TBC1D22A: variants seen among roughly 807,000 people sequenced by gnomAD.
The protein encoded by TBC1D22A is TBC1 domain family member 22A, also known as putative GTPase activator.
A neutral mutation model predicts 60.2 loss-of-function variants in TBC1D22A; 38 were observed. That is an observed-to-expected ratio of 0.63 (90% CI 0.49 to 0.83). TBC1D22A has a LOEUF of 0.83. Ranked by LOEUF, TBC1D22A falls within the 40% of genes least tolerant of loss-of-function variation. The probability of loss-of-function intolerance (pLI) is 0.00; values close to 1 mark genes in which losing one functional copy is unlikely to be tolerated. For synonymous variants in TBC1D22A, 302 were observed against 281.7 expected (o/e 1.07, Z -0.72); for missense variants, 628 against 701.0 (o/e 0.90, Z 1.18).
rs183753387 is a variant in TBC1D22A at position 46,979,182 on chromosome 22, T to A, written c.1125+4783T>A. On this transcript the variant is annotated intron_variant, in intron 9 of 12. Transcript: ENST00000337137. ...GGTGTGCAGATCTTTTAAATGTTGA[T>A]AAGTTTCATCGTATGATCAAATTTG... Among the ~76,000 whole-genome samples the A allele has an allele frequency of 2.6e-3, 394 of 152,340 alleles. 2 individuals carry two copies. The highest frequency in any genetic ancestry group is 8.9e-3 in the African/African-American group (372 of 41,578).
intron 4 of TBC1D22A, among the ~76,000 whole-genome samples, chr22:46,809,582 C>CATCT (rs1364297827): frequency 6.6e-6 from 1 of 152,156 alleles, no homozygotes; most frequent in Non-Finnish European, 1.5e-5. Context: ...TGACCCTTAG[C>CATCT]ATCTCGGGGG....
intron 12 of TBC1D22A, among the ~76,000 whole-genome samples, chr22:47,139,399 AC>A (rs2147138044): frequency 6.6e-6 from 1 of 152,258 alleles, no homozygotes; most frequent in Non-Finnish European, 1.5e-5. Flanking sequence ...ACAGGTGTTC[AC>A]CCAAACATGA....
rs565761740 is a variant in TBC1D22A at position 46,952,459 on chromosome 22, A to G, written c.1016-21831A>G. On this transcript the variant is annotated intron_variant, in intron 8 of 12. Coordinates refer to ENST00000337137, the MANE Select transcript of TBC1D22A (RefSeq NM_014346.5). ...TTAGCAGGTTTAGGAGCCTCCTGAC[A>G]TGATACCAAATGTTATATCTCTGTA... Among the ~76,000 whole-genome samples the G allele has an allele frequency of 2.6e-5, 4 of 152,300 alleles. No individual in the cohort carries two copies. The East Asian group carries it at 7.7e-4, about 29-fold the overall frequency.
At chr22:46,862,005 C>T (rs925793058) in intron 4 of TBC1D22A, among the ~76,000 whole-genome samples, 1 of 152,266 alleles carries the variant, frequency 6.6e-6, no homozygotes, top group East Asian at 1.9e-4. Flanking sequence ...TCTGTATGGC[C>T]TCCCTGGCCT....
intron 4 of TBC1D22A, among the ~76,000 whole-genome samples, chr22:46,802,309 C>CAG (rs1283138753): frequency 1.3e-5 from 2 of 152,222 alleles, no homozygotes; most frequent in Non-Finnish European, 2.9e-5. Context: ...CCGCAACCAT[C>CAG]AGAAGGCAGG....
chr22:46,793,954 C>G, intron 3 of TBC1D22A, 113 bp downstream of exon 3: 1 of 1,040,178 alleles, frequency 9.6e-7, no homozygotes, highest in Non-Finnish European at 1.4e-6. Context: ...TTGCAGCAGG[C>G]CCCCTGGCCC....
chr22:46,819,331 C>T (rs1419059842), intron 4 of TBC1D22A, among the ~76,000 whole-genome samples: 1 of 152,168 alleles, frequency 6.6e-6, no homozygotes, highest in African/African-American at 2.4e-5. Flanking sequence ...GGGAATGCTT[C>T]CAGCTTTTGC....
intron 8 of TBC1D22A, among the ~76,000 whole-genome samples, chr22:46,968,656 G>A (rs1027711306): frequency 2.6e-5 from 4 of 152,072 alleles, no homozygotes; most frequent in Admixed American, 1.3e-4. Flanking sequence ...CTGCGTAGCC[G>A]GCGGTCCTGA....
intron 5 of TBC1D22A, among the ~76,000 whole-genome samples, chr22:46,889,385 T>G (rs1223417101): frequency 6.6e-6 from 1 of 152,218 alleles, no homozygotes; most frequent in Non-Finnish European, 1.5e-5. Flanking sequence ...GGAAAGGCTG[T>G]GTAGCATCTG....
intron 12 of TBC1D22A, among the ~76,000 whole-genome samples, chr22:47,152,725 C>T (rs767177097): frequency 1.4e-4 from 21 of 152,192 alleles, no homozygotes; most frequent in Middle Eastern, 6.3e-3. Context: ...AGAAAGGTGG[C>T]GTTTTCCCAT....
intron 4 of TBC1D22A, among the ~76,000 whole-genome samples, chr22:46,849,252 C>T (rs1430649543): frequency 6.6e-6 from 1 of 152,212 alleles, no homozygotes; most frequent in Non-Finnish European, 1.5e-5. Context: ...CCAAGTGGGT[C>T]TCCAGACGGC....
chr22:46,920,533 C>T (rs1269465674), intron 8 of TBC1D22A, among the ~76,000 whole-genome samples: 2 of 152,052 alleles, frequency 1.3e-5, no homozygotes, highest in Non-Finnish European at 2.9e-5. Flanking sequence ...CTGATGTGTG[C>T]TCTGTTTTCT....
At chr22:46,783,501 T>C (rs1486796509) in intron 1 of TBC1D22A, among the ~76,000 whole-genome samples, 1 of 152,258 alleles carries the variant, frequency 6.6e-6, no homozygotes, top group African/African-American at 2.4e-5. Flanking sequence ...ACACACGCAG[T>C]TGATGCCGCT....
chr22:46,998,504 A>G (rs941181710), intron 10 of TBC1D22A, among the ~76,000 whole-genome samples: 2 of 152,240 alleles, frequency 1.3e-5, no homozygotes, highest in African/African-American at 4.8e-5. Context: ...GACAAATTGC[A>G]CTTTGTTGGA....
rs117194197 is a variant in TBC1D22A at position 47,067,448 on chromosome 22, A to G, written c.1329+30250A>G. ...TCAGGAGAAAAGCCAGGGTGCACAA[A>G]GAGATGGGCATTAGCATATAAAAGG... On this transcript the variant is annotated intron_variant, in intron 11 of 12. Coordinates refer to ENST00000337137, the MANE Select transcript of TBC1D22A (RefSeq NM_014346.5). Among the ~76,000 whole-genome samples the G allele has an allele frequency of 1.2e-4, 18 of 152,336 alleles. No homozygotes were observed. In the East Asian group the frequency reaches 3.1e-3, roughly 26 times the overall value.
intron 4 of TBC1D22A, among the ~76,000 whole-genome samples, chr22:46,858,809 T>C (rs888766486): frequency 6.6e-5 from 10 of 152,196 alleles, no homozygotes; most frequent in Non-Finnish European, 1.2e-4. Context: ...GATTTGTTTT[T>C]CCCTCTATGA....
At chr22:47,061,530 G>A (rs1024855211) in intron 11 of TBC1D22A, among the ~76,000 whole-genome samples, 1 of 152,094 alleles carries the variant, frequency 6.6e-6, no homozygotes, top group African/African-American at 2.4e-5. Context: ...ATCCAAGGGT[G>A]GCTTCCGATC....
intron 8 of TBC1D22A, chr22:46,913,313 G>A (rs886160957): frequency 5.9e-6 from 8 of 1,364,590 alleles, no homozygotes; most frequent in Middle Eastern, 2.1e-4. Flanking sequence ...CTCGCCTGTT[G>A]TTATTACATG....
intron 12 of TBC1D22A, among the ~76,000 whole-genome samples, chr22:47,169,764 T>A (rs527742422): frequency 2.6e-5 from 4 of 152,270 alleles, no homozygotes; most frequent in Non-Finnish European, 5.9e-5. Flanking sequence ...ACAGCATCAG[T>A]GTGATGAGCA....
Sources: gnomAD v4.1 joint callset for allele counts (sites outside exome capture counted in the v4.1 genomes callset) on GRCh38, gnomAD v4.1.1 for gene constraint, MANE v1.5 for transcripts, NCBI Gene and HGNC (gene_info 2026-07-23, HGNC 2026-07-21) for gene names.